The following ADD3 variants were observed in gnomAD, a reference collection of about 807,000 sequenced individuals.
ADD3 encodes gamma-adducin.
ADD3 carries 25 observed loss-of-function variants against 80.2 expected under a neutral mutation model. The ratio of observed to expected loss-of-function variants is 0.31; its 90% CI spans 0.23 to 0.44. ADD3 has a LOEUF of 0.44. Ranked by LOEUF, ADD3 falls within the 20% of genes least tolerant of loss-of-function variation. The probability of loss-of-function intolerance (pLI) is 1.00; values close to 1 mark genes in which losing one functional copy is unlikely to be tolerated. For synonymous variants in ADD3, 284 were observed against 289.6 expected, an observed-to-expected ratio of 0.98 and a Z score of 0.20; for missense variants, 829 against 847.5, an observed-to-expected ratio of 0.98 and a Z score of 0.27.
chr10:110,044,467 C>T (rs1407603937), intron 1 of ADD3, among the ~76,000 whole-genome samples: 3 of 152,116 alleles, frequency 2.0e-5, no homozygotes, highest in South Asian at 4.1e-4. Context: ...CTAGAATTTT[C>T]CATACAAAAT....
chr10:110,079,457 AGAGAGTGTGTGTGT>A (rs1242971547), intron 1 of ADD3, among the ~76,000 whole-genome samples: 105 of 121,178 alleles, frequency 8.7e-4, no homozygotes, highest in African/African-American at 3.8e-3. Context: ...AGAGAGAGAG[AGAGAGTGTGTGTGT>A]GTGTGTGTGT....
At chr10:110,033,360 T>A (rs34223872) in intron 1 of ADD3, among the ~76,000 whole-genome samples, 3 of 152,216 alleles carry the variant, frequency 2.0e-5, no homozygotes, top group Admixed American at 6.5e-5. Context: ...TGAAGTATTG[T>A]TTAAATTGGT....
intron 1 of ADD3, among the ~76,000 whole-genome samples, chr10:110,024,800 T>A (rs1854086602): frequency 6.6e-6 from 1 of 152,198 alleles, no homozygotes; most frequent in African/African-American, 2.4e-5. Context: ...TTTTATAAAA[T>A]CCATTTATTT....
chr10:110,074,082 G>C (rs1190343913), intron 1 of ADD3, among the ~76,000 whole-genome samples: 1 of 152,092 alleles, frequency 6.6e-6, no homozygotes, highest in African/African-American at 2.4e-5. Flanking sequence ...CTAGAAGTTG[G>C]TGTCACCATC....
At chr10:110,097,287 G>C in intron 1 of ADD3, among the ~76,000 whole-genome samples, 1 of 152,110 alleles carries the variant, frequency 6.6e-6, no homozygotes, top group South Asian at 2.1e-4. Flanking sequence ...TATCTTACCT[G>C]TGAGCAAACT....
Position 110,084,907 on chromosome 10 carries a change from G to A in ADD3, c.-29-15718G>A, listed in dbSNP as rs549597852. ...AAATTAAATAGTTAATTAGTTTAATGTTTTCTCTTTTTCCTGAATTTGATA... is the reference window on the plus strand; with the variant it reads ...AAATTAAATAGTTAATTAGTTTAATATTTTCTCTTTTTCCTGAATTTGATA... On this transcript the variant is annotated intron_variant, in intron 1 of 14. Coordinates refer to ENST00000356080, the MANE Select transcript of ADD3 (RefSeq NM_016824.5). 1.2e-4 allele frequency among the ~76,000 whole-genome samples: 19 copies of A among 152,168 alleles called. No homozygotes were observed. In the South Asian group the frequency reaches 3.1e-3, roughly 25 times the overall value.
At chr10:110,024,278 A>T (rs1460169529) in intron 1 of ADD3, among the ~76,000 whole-genome samples, 3 of 152,266 alleles carry the variant, frequency 2.0e-5, no homozygotes, top group African/African-American at 7.2e-5. Flanking sequence ...TCATTGTGCC[A>T]TCTTGGTTTC....
In ADD3 at chr10:110,119,478, A is replaced by G. The variant is rs1851187470; in HGVS notation, c.874A>G (p.Arg292Gly). The G allele has an allele frequency of 2.5e-6, 4 of 1,614,042 alleles. No individual in the cohort carries two copies. The African/African-American group carries it at 5.3e-5, about 22-fold the overall frequency. ...CATTCTATTTTAGGTGCTGGTACTC[A>G]GGAATCATGGTGTGGTTGCACTTGG... ...LGPSCKVLVLRNHGVVALGET... is the reference protein window; with the variant it reads ...LGPSCKVLVLGNHGVVALGET... The change falls in exon 8 of 15, where the codon AGG (arginine) becomes GGG (glycine). Residue 292 changes from arginine (R) to glycine (G), a missense_variant. Transcript: ENST00000356080.
chr10:110,126,353 T>G (rs1852154795), intron 11 of ADD3, 64 bp from the exon 12 acceptor site: 2 of 1,244,806 alleles, frequency 1.6e-6, no homozygotes, highest in East Asian at 4.7e-5. Context: ...TATGAAAAGA[T>G]AAAGCAAAGG....
intron 1 of ADD3, among the ~76,000 whole-genome samples, chr10:110,053,966 G>A (rs1470161909): frequency 2.0e-5 from 3 of 152,194 alleles, no homozygotes; most frequent in African/African-American, 7.2e-5. Flanking sequence ...AAACCGACCT[G>A]GAAATGGGAG....
chr10:110,004,176 A>G (rs985151480), upstream of ADD3, among the ~76,000 whole-genome samples: 2 of 151,958 alleles, frequency 1.3e-5, no homozygotes, highest in African/African-American at 4.8e-5. Context: ...CAAGGAAAAC[A>G]AAAACAGATG....
chr10:110,077,074 C>T (rs1845455598), intron 1 of ADD3: 1 of 152,134 alleles, frequency 6.6e-6, no homozygotes, highest in South Asian at 2.1e-4. Flanking sequence ...ACAGAATTGC[C>T]ACACAAAAAC....
intron 10 of ADD3, 82 bp from the exon 11 acceptor site, chr10:110,125,742 CTT>C (rs1852068665): frequency 9.4e-7 from 1 of 1,061,312 alleles, no homozygotes; most frequent in Admixed American, 2.4e-5. Flanking sequence ...CAATGCCCCT[CTT>C]GAGACTATAA....
At chr10:110,019,121 G>C in intron 1 of ADD3, among the ~76,000 whole-genome samples, 1 of 152,102 alleles carries the variant, frequency 6.6e-6, no homozygotes, top group East Asian at 1.9e-4. Flanking sequence ...TTCTGTCAAT[G>C]TCTGTTATAT....
chr10:110,011,020 T>C (rs1564835044), intron 1 of ADD3, among the ~76,000 whole-genome samples: 1 of 152,144 alleles, frequency 6.6e-6, no homozygotes, highest in Non-Finnish European at 1.5e-5. Context: ...ACACAACATA[T>C]GTTTAGGGTG....
At chr10:110,077,203 C>T (rs926415497) in intron 1 of ADD3, 3 of 152,152 alleles carry the variant, frequency 2.0e-5, no homozygotes, top group African/African-American at 7.2e-5. Flanking sequence ...AGCTTTGTGC[C>T]AGCTGCTAGT....
chr10:109,999,605 A>G (rs542268922), intron 1 of ADD3, among the ~76,000 whole-genome samples: 1 of 152,346 alleles, frequency 6.6e-6, no homozygotes, highest in African/African-American at 2.4e-5. Context: ...AACAGGATCA[A>G]TGATACTAAT....
intron 1 of ADD3, among the ~76,000 whole-genome samples, chr10:110,049,524 C>A (rs1857259478): frequency 6.6e-6 from 1 of 152,198 alleles, no homozygotes; most frequent in Admixed American, 6.5e-5. Context: ...TCATAGGAAC[C>A]CACCCCTTGC....
At chr10:110,052,822 A>T (rs769871407) in intron 1 of ADD3, among the ~76,000 whole-genome samples, 2 of 152,254 alleles carry the variant, frequency 1.3e-5, no homozygotes, top group Non-Finnish European at 2.9e-5. Flanking sequence ...ACTAAGGTCC[A>T]TTCAAAGACA....
Sources: allele counts gnomAD v4.1 joint callset (sites outside exome capture counted in the v4.1 genomes callset), GRCh38; gene constraint gnomAD v4.1.1; transcripts MANE v1.5; gene names NCBI Gene and HGNC (gene_info 2026-07-23, HGNC 2026-07-21).